KIR2DL4: variants seen among roughly 807,000 people sequenced by gnomAD.
KIR2DL4 encodes the protein killer cell immunoglobulin like receptor, two Ig domains and long cytoplasmic tail 4.
Under a neutral mutation model 31.0 loss-of-function variants are expected in KIR2DL4, and 41 were observed. That is an observed-to-expected ratio of 1.32 (90% confidence interval 1.03 to 1.72). KIR2DL4 has a LOEUF of 1.72. Ranked by LOEUF, KIR2DL4 falls within the 40% of genes most tolerant of loss-of-function variation. The pLI, the probability that KIR2DL4 is intolerant of heterozygous loss-of-function variation, is 0.00. For missense variants in KIR2DL4, 438 were observed against 353.7 expected, an observed-to-expected ratio of 1.24 and a Z score of -1.91; for synonymous variants, 164 against 133.6, an observed-to-expected ratio of 1.23 and a Z score of -1.57.
chr19:54,814,028 G>A (rs1424356573), exon 8 of KIR2DL4: 1 of 1,612,362 alleles, frequency 6.2e-7, no homozygotes, highest in Admixed American at 1.7e-5. Flanking sequence ...CCACAGTCAG[G>A]CCTTGATGGG....
chr19:54,813,848 G>A, exon 8 of KIR2DL4: 1 of 1,612,418 alleles, frequency 6.2e-7, no homozygotes, highest in Non-Finnish European at 8.5e-7. Context: ...CCAGGACTCT[G>A]ATGAACAAGA....
At chr19:54,814,179 T>C in exon 8 of KIR2DL4, 1 of 1,545,130 alleles carries the variant, frequency 6.5e-7, no homozygotes, top group South Asian at 1.1e-5. Context: ...GTCTCTTGCT[T>C]ACCAATGTCT....
chr19:54,811,750 C>T (rs2060879790), intron 5 of KIR2DL4, among the ~76,000 whole-genome samples: 2 of 151,220 alleles, frequency 1.3e-5, no homozygotes, highest in Admixed American at 6.6e-5. Flanking sequence ...GAGTTCAGAT[C>T]GTAGACTCAG....
chr19:54,805,186 G>A (rs1184402993), intron 3 of KIR2DL4, 109 bp downstream of exon 3: 1 of 1,124,716 alleles, frequency 8.9e-7, no homozygotes, highest in South Asian at 1.5e-5. Flanking sequence ...CTATATTTGG[G>A]GTAAAGGGGG....
At chr19:54,809,107 G>A (rs1354297387) in intron 5 of KIR2DL4, among the ~76,000 whole-genome samples, 2 of 151,200 alleles carry the variant, frequency 1.3e-5, no homozygotes, top group African/African-American at 4.9e-5. Context: ...CAGGGTAGAA[G>A]GATGAGTGCA....
At position 54,813,824 on chromosome 19, in the gene KIR2DL4, G is replaced by A; in HGVS notation, c.*42-18G>A. 5.0e-6 allele frequency: 8 copies of A among 1,612,116 alleles called. 1 individual carries two copies. The Admixed American group carries it at 1.3e-4, about 27-fold the overall frequency. ...AAATGTGAACACCCTCCCTCACTCA[G>A]GATTTCCCTCTCTCCAGGACTCTGA... On this transcript the variant is annotated intron_variant, in intron 7 of 7. Transcript: ENST00000359085.
At position 54,806,459 on chromosome 19, in the gene KIR2DL4, G is replaced by A. The variant is rs947487673; in HGVS notation, c.655+215G>A. The stretch of plus-strand genomic sequence containing the variant: ...TGCAGTAAGGGCTCCGGGTACCCAG[G>A]CAGATGGAGAAAGTGGTCAGGACAG... On this transcript the variant is annotated intron_variant, in intron 4 of 7. Coordinates refer to ENST00000359085, the Ensembl canonical transcript of KIR2DL4. 1.3e-5 allele frequency among the ~76,000 whole-genome samples: 2 copies of A among 151,236 alleles called. 1 individual carries two copies. Among genetic ancestry groups the A allele is most frequent in the African/African-American group, 4.9e-5 (2 of 41,000 alleles).
intron 4 of KIR2DL4, among the ~76,000 whole-genome samples, chr19:54,808,490 G>A (rs1234112256): frequency 6.6e-6 from 1 of 150,470 alleles, no homozygotes; most frequent in Non-Finnish European, 1.5e-5. Context: ...TCGAACCTTT[G>A]TCAAAGTCCA....
exon 8 of KIR2DL4, chr19:54,814,226 C>T: frequency 8.4e-7 from 1 of 1,193,708 alleles, no homozygotes; most frequent in Non-Finnish European, 1.2e-6. Flanking sequence ...AAACACACTC[C>T]TTTGCTTAGC....
chr19:54,804,228 G>T (rs2060357848), intron 2 of KIR2DL4, among the ~76,000 whole-genome samples: 2 of 150,870 alleles, frequency 1.3e-5, no homozygotes, highest in Non-Finnish European at 2.9e-5. Flanking sequence ...TGTGGCCCAG[G>T]CGGGATACTG....
chr19:54,813,209 G>A lies in KIR2DL4; in HGVS notation c.791G>A (p.Arg264His), dbSNP rs1292295087. The A allele has an allele frequency of 6.6e-6, 10 of 1,524,656 alleles. No homozygotes were observed. In the African/African-American group the frequency reaches 1.2e-4, roughly 18 times the overall value. 94.4% of individuals were successfully genotyped at this position (1,524,656 alleles called of 1,614,324 possible). ...ATCCTTCCCTTCTTTCTCCTTCATC[G>A]CTGGTGCTCCAAAAAAAAAGTAAGC... Residue 264 changes from arginine to histidine, a missense_variant, in exon 6 of 8, where the codon CGC (arginine) becomes CAC (histidine). Coordinates refer to ENST00000359085, the Ensembl canonical transcript of KIR2DL4.
chr19:54,803,692 G>A lies in KIR2DL4; in HGVS notation c.40+1G>A. On this transcript the variant is annotated splice_donor_variant, in intron 1 of 7. Transcript: ENST00000359085. LOFTEE classifies it high-confidence loss of function. Reference sequence around the variant, plus strand: ...ACGGTCATCATCCTGGCATGTCTTGGTGAGTCCTGGAAGGGAAGGAGCACC... The same window carrying A: ...ACGGTCATCATCCTGGCATGTCTTGATGAGTCCTGGAAGGGAAGGAGCACC... The A allele has an allele frequency of 6.2e-7, 1 of 1,612,004 alleles. No homozygotes were observed. Among genetic ancestry groups the A allele is most frequent in the Non-Finnish European group, 8.5e-7 (1 of 1,179,368 alleles).
chr19:54,808,731 A>G (rs1390557083), intron 4 of KIR2DL4, 102 bp from the exon 5 acceptor site: 12 of 890,744 alleles, frequency 1.3e-5, no homozygotes, highest in African/African-American at 1.2e-4. Context: ...AGGGCCCAAC[A>G]TTAGATAATA....
intron 4 of KIR2DL4, among the ~76,000 whole-genome samples, chr19:54,807,992 T>C (rs1323730565): frequency 1.3e-5 from 2 of 151,538 alleles, no homozygotes; most frequent in African/African-American, 4.9e-5. Context: ...CATTTGTATG[T>C]TTTGTTCATT....
intron 4 of KIR2DL4, among the ~76,000 whole-genome samples, chr19:54,808,603 CT>C (rs2060668885): frequency 6.7e-6 from 1 of 150,324 alleles, no homozygotes; most frequent in Non-Finnish European, 1.5e-5. Context: ...TACTACAGCT[CT>C]GTAACATATT....
intron 5 of KIR2DL4, among the ~76,000 whole-genome samples, chr19:54,812,450 A>G (rs1244992834): frequency 6.6e-6 from 1 of 151,380 alleles, no homozygotes; most frequent in East Asian, 1.9e-4. Flanking sequence ...AAGACAGCCC[A>G]GGCTGTTCTG....
chr19:54,808,924 G>A (rs2060689665), intron 5 of KIR2DL4, 41 bp downstream of exon 5: 3 of 1,518,528 alleles, frequency 2.0e-6, no homozygotes, highest in Non-Finnish European at 2.7e-6. Context: ...TTGGAAACCT[G>A]GGGAGGTAGA....
chr19:54,811,566 G>A (rs565719007), intron 5 of KIR2DL4, among the ~76,000 whole-genome samples: 1 of 151,044 alleles, frequency 6.6e-6, no homozygotes, highest in East Asian at 1.9e-4. Flanking sequence ...CTTTCTGTGA[G>A]CATGAGATCA....
chr19:54,813,822 C>G lies in KIR2DL4; in HGVS notation c.*42-20C>G. ...AAAAATGTGAACACCCTCCCTCACT[C>G]AGGATTTCCCTCTCTCCAGGACTCT... On this transcript the variant is annotated intron_variant, in intron 7 of 7. Transcript: ENST00000359085. 1 of 1,612,264 alleles carries G rather than the reference C, an allele frequency of 6.2e-7. No homozygotes were observed. The highest frequency in any genetic ancestry group is 2.2e-5 in the East Asian group (1 of 44,856).
Sources: allele counts gnomAD v4.1 joint callset (sites outside exome capture counted in the v4.1 genomes callset), GRCh38; gene constraint gnomAD v4.1.1; transcripts MANE v1.5; gene names NCBI Gene and HGNC (gene_info 2026-07-23, HGNC 2026-07-21).